The following EVL variants were observed in gnomAD, a reference collection of about 807,000 sequenced individuals.
EVL encodes ena/VASP-like protein.
EVL carries 21 observed loss-of-function variants against 59.6 expected under a neutral mutation model. The observed-to-expected ratio is 0.35, with a 90% CI of 0.25 to 0.51. The LOEUF (loss-of-function observed/expected upper bound fraction) is 0.51, where lower values mean the gene tolerates loss of function less well. EVL is among the 20% of genes least tolerant of loss of function. The probability of loss-of-function intolerance (pLI) is 0.97; values close to 1 mark genes in which losing one functional copy is unlikely to be tolerated. For synonymous variants in EVL, 198 were observed against 203.5 expected (o/e 0.97, Z 0.23); for missense variants, 462 against 546.6 (o/e 0.85, Z 1.54).
At chr14:100,047,462 C>T (rs1310933416) in intron 1 of EVL, among the ~76,000 whole-genome samples, 1 of 152,100 alleles carries the variant, frequency 6.6e-6, no homozygotes, top group Admixed American at 6.6e-5. Context: ...TTCCACTGAG[C>T]TCCGTTGCAC....
At chr14:100,136,442 CTCTG>C (rs1455458951) in intron 9 of EVL, among the ~76,000 whole-genome samples, 3 of 152,234 alleles carry the variant, frequency 2.0e-5, no homozygotes, top group Admixed American at 6.5e-5. Context: ...TCAGGTTTCT[CTCTG>C]TCTAAGCTGT....
chr14:100,054,938 A>C (rs1207898879), intron 1 of EVL, among the ~76,000 whole-genome samples: 3 of 152,120 alleles, frequency 2.0e-5, no homozygotes, highest in Non-Finnish European at 4.4e-5. Flanking sequence ...ATGGTGGCTC[A>C]TGTCTGTAAT....
chr14:100,100,409 C>T (rs765770554), intron 3 of EVL, among the ~76,000 whole-genome samples: 3 of 152,042 alleles, frequency 2.0e-5, no homozygotes, highest in Non-Finnish European at 2.9e-5. Context: ...TTGCTTCAGC[C>T]GAGGTCCAAG....
At chr14:99,991,589 C>T (rs1033068604) in intron 1 of EVL, among the ~76,000 whole-genome samples, 1 of 152,138 alleles carries the variant, frequency 6.6e-6, no homozygotes, top group Non-Finnish European at 1.5e-5. Context: ...CTGCTAAAAA[C>T]AGAATGCTAT....
intron 1 of EVL, among the ~76,000 whole-genome samples, chr14:100,021,781 A>G (rs1346870124): frequency 6.6e-6 from 1 of 152,150 alleles, no homozygotes; most frequent in Non-Finnish European, 1.5e-5. Flanking sequence ...AAAGCAGAAG[A>G]TTACCTTCAT....
In EVL at chr14:100,112,638, A is replaced by G. The variant is rs1226782509; in HGVS notation, c.359-10901A>G. ...CCTAAAGTCAGGGCCTCTACACCCA[A>G]GGCCCCTTGTGCCCAGAATGTTTTC... On this transcript the variant is annotated intron_variant, in intron 3 of 13. Transcript: ENST00000392920. Among the ~76,000 whole-genome samples the G allele has an allele frequency of 2.0e-5, 3 of 152,224 alleles. No homozygotes were observed. The East Asian group carries it at 5.8e-4, about 29-fold the overall frequency.
intron 3 of EVL, among the ~76,000 whole-genome samples, chr14:100,104,928 T>A (rs996805450): frequency 6.9e-4 from 49 of 71,234 alleles, no homozygotes; most frequent in East Asian, 1.4e-3. Flanking sequence ...TTTTTTTTTT[T>A]AACTTTTGGA....
intron 1 of EVL, among the ~76,000 whole-genome samples, chr14:100,072,659 A>G (rs2140281612): frequency 6.6e-6 from 1 of 152,344 alleles, no homozygotes; most frequent in Middle Eastern, 3.4e-3. Flanking sequence ...GTATCATGGT[A>G]TCTGCAGCTG....
chr14:100,137,033 T>A (rs1178375403), intron 9 of EVL: 1 of 156,716 alleles, frequency 6.4e-6, no homozygotes, highest in East Asian at 1.9e-4. Context: ...CCCCTAGAGA[T>A]TTTGTCTTCT....
chr14:99,972,701 GAAAT>G lies in EVL; in HGVS notation c.5+648_5+651del, dbSNP rs1212154171. Among the ~76,000 whole-genome samples, 4 of 152,050 alleles carry G rather than the reference GAAAT, an allele frequency of 2.6e-5. No homozygotes were observed. Among genetic ancestry groups the G allele is most frequent in the Non-Finnish European group, 5.9e-5 (4 of 68,006 alleles). The stretch of plus-strand genomic sequence containing the variant: ...GGGAGCCTGCTGATTATCAGGCCAA[GAAAT>G]AAAACCTTGCTTCTGCCAGAAGCCC... On this transcript the variant is annotated intron_variant, in intron 1 of 13. Coordinates refer to the EVL transcript ENST00000402714. The surrounding 1 kb of genome is among the most constrained non-coding windows in gnomAD (Gnocchi z 4.4).
intron 1 of EVL, chr14:100,074,522 TG>T (rs1403595542): frequency 1.3e-5 from 2 of 152,366 alleles, no homozygotes; most frequent in African/African-American, 2.4e-5. Context: ...CTTACCTCCC[TG>T]AAGTCTTGTT....
chr14:100,116,332 T>A (rs2140355373), intron 3 of EVL, among the ~76,000 whole-genome samples: 1 of 152,256 alleles, frequency 6.6e-6, no homozygotes, highest in Non-Finnish European at 1.5e-5. Flanking sequence ...CTGTCGTTTG[T>A]TGGCCAGAAA....
At chr14:100,078,512 A>G (rs916871405) in intron 1 of EVL, among the ~76,000 whole-genome samples, 6 of 131,460 alleles carry the variant, frequency 4.6e-5, no homozygotes, top group Admixed American at 8.5e-5. Flanking sequence ...GTCTGGGCTT[A>G]TTTAAGTGTA....
chr14:99,991,509 A>G (rs970095570), intron 1 of EVL, among the ~76,000 whole-genome samples: 1 of 152,230 alleles, frequency 6.6e-6, no homozygotes, highest in Non-Finnish European at 1.5e-5. Flanking sequence ...ACACATAGGA[A>G]TGTGGTGTTT....
At chr14:100,005,632 C>T (rs963041050) in intron 1 of EVL, among the ~76,000 whole-genome samples, 16 of 65,180 alleles carry the variant, frequency 2.5e-4, no homozygotes, top group Non-Finnish European at 4.0e-4. Context: ...CTTTTAAATA[C>T]ACACACACAC....
intron 4 of EVL, among the ~76,000 whole-genome samples, chr14:100,124,134 C>A (rs1438582769): frequency 6.6e-6 from 1 of 152,236 alleles, no homozygotes; most frequent in Non-Finnish European, 1.5e-5. Flanking sequence ...CCCAAGGTCA[C>A]ATTGCTCTGA....
At chr14:99,985,289 T>G (rs1277827979) in intron 1 of EVL, among the ~76,000 whole-genome samples, 2 of 151,854 alleles carry the variant, frequency 1.3e-5, no homozygotes, top group East Asian at 3.9e-4. Flanking sequence ...AACGACATAA[T>G]TTTTATTTAT....
chr14:100,042,037 A>G (rs1432493363), intron 1 of EVL, among the ~76,000 whole-genome samples: 1 of 152,268 alleles, frequency 6.6e-6, no homozygotes, highest in African/African-American at 2.4e-5. Context: ...GAACTAAAGT[A>G]AAAAGAATGG....
intron 1 of EVL, among the ~76,000 whole-genome samples, chr14:99,991,958 C>CTGTGTG (rs1491151315): frequency 4.2e-4 from 31 of 73,432 alleles, no homozygotes; most frequent in African/African-American, 2.0e-3. Context: ...TGAGGGTCAA[C>CTGTGTG]TCTGTGTGTG....
Sources: allele counts gnomAD v4.1 joint callset (sites outside exome capture counted in the v4.1 genomes callset), GRCh38; gene constraint gnomAD v4.1.1; non-coding constraint Gnocchi (gnomAD v3.1); transcripts MANE v1.5; gene names NCBI Gene and HGNC (gene_info 2026-07-23, HGNC 2026-07-21).